Variants in SCAF11 observed in about 807,000 individuals in gnomAD.
The protein encoded by SCAF11 is SR-related CTD associated factor 11.
A neutral mutation model predicts 140.5 loss-of-function variants in SCAF11; 47 were observed. The observed-to-expected ratio is 0.33, with a 90% confidence interval of 0.26 to 0.43. The LOEUF (loss-of-function observed/expected upper bound fraction) is 0.43, where lower values mean the gene tolerates loss of function less well. SCAF11 is among the 20% of genes least tolerant of loss of function. SCAF11 has a pLI of 1.00. For synonymous variants in SCAF11, 557 were observed against 579.4 expected (o/e 0.96, Z 0.55); for missense variants, 1,645 against 1,705.1 (o/e 0.96, Z 0.62).
At chr12:45,987,780 A>G (rs1416873087) in intron 1 of SCAF11, among the ~76,000 whole-genome samples, 3 of 152,200 alleles carry the variant, frequency 2.0e-5, no homozygotes, top group Non-Finnish European at 4.4e-5. Context: ...TGAGAAAAGA[A>G]GTTACATGAC....
rs1944662692 is a variant in SCAF11 at position 45,919,704 on chromosome 12, A to C, written c.*2344T>G. The C allele has an allele frequency of 6.6e-6, 1 of 152,248 alleles. No homozygotes were observed. Among genetic ancestry groups the C allele is most frequent in the Non-Finnish European group, 1.5e-5 (1 of 68,048 alleles). The allele number at this position is 152,248 out of a possible 1,614,324, so 9.4% of individuals were successfully genotyped here. On this transcript the variant is annotated 3_prime_UTR_variant, in exon 15 of 15. Coordinates refer to ENST00000369367, the MANE Select transcript of SCAF11 (RefSeq NM_004719.3). The stretch of plus-strand genomic sequence containing the variant: ...TCGAATTCTAATCAAGTAGCTATTA[A>C]TGCAGTCTAACCAGTGCCCCAAATC...
chr12:45,945,690 C>T (rs1355377672), intron 5 of SCAF11, among the ~76,000 whole-genome samples: 1 of 151,904 alleles, frequency 6.6e-6, no homozygotes, highest in Non-Finnish European at 1.5e-5. Flanking sequence ...GCATGCACCA[C>T]CTTGTCAGGT....
intron 1 of SCAF11, among the ~76,000 whole-genome samples, chr12:45,967,204 C>A (rs1037221757): frequency 6.6e-6 from 1 of 151,802 alleles, no homozygotes; most frequent in African/African-American, 2.4e-5. Flanking sequence ...GCCTGGGCAA[C>A]ACAGCAAGAC....
chr12:45,986,803 G>A lies in SCAF11; in HGVS notation c.-22+3550C>T, dbSNP rs137925315. On this transcript the variant is annotated intron_variant, in intron 1 of 14. Transcript: ENST00000369367. ...TCTGATGGTTTTAACAGATGTTTCC[G>A]CTTTTGCATCTTCCTCATTTTCTCT... is the stretch of plus-strand genomic sequence containing the variant. 2.2e-4 allele frequency among the ~76,000 whole-genome samples: 33 copies of A among 152,142 alleles called. No homozygotes were observed. In the East Asian group the frequency reaches 6.0e-3, roughly 28 times the overall value.
intron 3 of SCAF11, among the ~76,000 whole-genome samples, chr12:45,954,474 C>T (rs1257100923): frequency 2.6e-5 from 4 of 151,816 alleles, no homozygotes; most frequent in Admixed American, 1.3e-4. Context: ...TGGGCTTAAG[C>T]GATCAACCTG....
Position 45,928,367 on chromosome 12 carries a change from T to C in SCAF11, c.1334A>G (p.Asn445Ser). ...VQTHVENQSA[N>S]CLKSCNEQIE... ...TTGCTCATTGCAACTTTTCAAGCAATTAGCAGACTGGTTTTCTACATGAGT... is the reference window on the plus strand; with the variant it reads ...TTGCTCATTGCAACTTTTCAAGCAACTAGCAGACTGGTTTTCTACATGAGT... Residue 445 changes from asparagine to serine, a missense_variant, in exon 11 of 15, where the codon AAT becomes AGT. By Grantham distance (46) the Asn-to-Ser change is conservative (BLOSUM62 1). This residue lies in a region of SCAF11 where 1,582 missense variants were observed against 1,609.2 expected (regional missense o/e 0.98). Transcript: ENST00000369367. 1 of 1,614,170 alleles carries C rather than the reference T, an allele frequency of 6.2e-7. No individual in the cohort carries two copies. The highest frequency in any genetic ancestry group is 8.5e-7 in the Non-Finnish European group (1 of 1,180,010).
Position 45,934,347 on chromosome 12 carries a change from C to A in SCAF11, c.523-62G>T, listed in dbSNP as rs533924375. The A allele has an allele frequency of 2.0e-5, 28 of 1,369,964 alleles. No individual in the cohort carries two copies. The East Asian group carries it at 4.2e-4, about 21-fold the overall frequency. The allele number at this position is 1,369,964 out of a possible 1,614,324, so 84.9% of individuals were successfully genotyped here. A position where few individuals can be genotyped will look rare whatever the true frequency, so the allele number is the denominator to read the frequency against. ...AAATAACAGGTAAATAATAGTTATA[C>A]TTAAATATTTTGATACACCTGAAGC... On this transcript the variant is annotated intron_variant, in intron 7 of 14. Transcript: ENST00000369367.
At chr12:45,969,776 G>A (rs560361468) in intron 1 of SCAF11, among the ~76,000 whole-genome samples, 4 of 152,198 alleles carry the variant, frequency 2.6e-5, no homozygotes, top group Non-Finnish European at 4.4e-5. Flanking sequence ...TTGCTCTGTC[G>A]TCCAGGCTGG....
chr12:45,930,407 G>C (rs151132156), intron 10 of SCAF11, among the ~76,000 whole-genome samples: 1 of 151,598 alleles, frequency 6.6e-6, no homozygotes, highest in Non-Finnish European at 1.5e-5. Flanking sequence ...TGCTCACATG[G>C]AGATGATTAC....
chr12:45,926,673 G>A lies in SCAF11; in HGVS notation c.3028C>T (p.Pro1010Ser), dbSNP rs201305916. 99 of 1,613,486 alleles carry A rather than the reference G, an allele frequency of 6.1e-5. No homozygotes were observed. The highest frequency in any genetic ancestry group is 7.7e-5 in the Non-Finnish European group (91 of 1,179,990). ...TTTCTATGTTTGTCAGCAGAATTTG[G>A]ATCATCAGCATCTAGATGGATGTCA... ...KNDIHLDADD[P>S]NSADKHRNDC... Residue 1010 changes from proline (P) to serine (S), a missense_variant, in exon 11 of 15, where the codon CCA becomes TCA. Transcript: ENST00000369367.
At position 45,923,111 on chromosome 12, in the gene SCAF11, G is replaced by C; in HGVS notation, c.3950C>G (p.Pro1317Arg). 1 of 1,614,024 alleles carries C rather than the reference G, an allele frequency of 6.2e-7. No individual in the cohort carries two copies. The highest frequency in any genetic ancestry group is 8.5e-7 in the Non-Finnish European group (1 of 1,179,996). ...SSHVSNNMST[P>R]VLPAPTAAPG... ...GGCTGCTGTCGGAGCAGGCAAAACT[G>C]GTGTACTCATGTTATTACTTACATG... is the stretch of plus-strand genomic sequence containing the variant. Residue 1317 changes from proline to arginine, a missense_variant, in exon 13 of 15, where the codon CCA becomes CGA. Pro to Arg is a moderately radical substitution (Grantham distance 103, BLOSUM62 -2). Around this residue, in one of 2 missense-constraint regions of SCAF11, gnomAD observed 1,582 missense variants for 1,609.2 expected, o/e 0.98. Transcript: ENST00000369367.
At chr12:45,948,405 T>A (rs764224680) in intron 5 of SCAF11, 32 bp downstream of exon 5, 2 of 1,416,248 alleles carry the variant, frequency 1.4e-6, no homozygotes, top group East Asian at 4.6e-5. Context: ...GTTCCACTCA[T>A]TTGCATTCCA....
chr12:45,991,878 G>A (rs1165820406), upstream of SCAF11: 4 of 1,283,078 alleles, frequency 3.1e-6, no homozygotes, highest in Middle Eastern at 2.2e-4. Flanking sequence ...CCCCGCGCGC[G>A]GCTCACCCAG....
rs1288921869 is a variant in SCAF11 at position 45,934,207 on chromosome 12, C to T, written c.601G>A (p.Gly201Arg). ...GCTCTATAGGTAAAGGAAGATTCTC[C>T]AGAGTGGCTAACAGAAGAAAACATA... ...SNMFSSVSHSGESSFTYRAYC... is the reference protein window; with the variant it reads ...SNMFSSVSHSRESSFTYRAYC... The change falls in exon 8 of 15, where the codon GGA becomes AGA. Residue 201 changes from glycine to arginine, a missense_variant. Gly to Arg is a moderately radical substitution (Grantham distance 125). This residue lies in a region of SCAF11 where 1,582 missense variants were observed against 1,609.2 expected (regional missense o/e 0.98). Coordinates refer to ENST00000369367, the MANE Select transcript of SCAF11 (RefSeq NM_004719.3). 1 of 1,605,756 alleles carries T rather than the reference C, an allele frequency of 6.2e-7. No individual in the cohort carries two copies. The highest frequency in any genetic ancestry group is 1.7e-5 in the Admixed American group (1 of 59,810).
At chr12:45,938,018 T>C (rs997484973) in intron 6 of SCAF11, among the ~76,000 whole-genome samples, 13 of 152,200 alleles carry the variant, frequency 8.5e-5, no homozygotes, top group African/African-American at 3.1e-4. Context: ...TGATGGTATG[T>C]GTACTGTCTT....
chr12:45,927,350 G>A lies in SCAF11; in HGVS notation c.2351C>T (p.Thr784Ile). The A allele has an allele frequency of 1.9e-6, 3 of 1,614,040 alleles. No individual in the cohort carries two copies. Among genetic ancestry groups the A allele is most frequent in the Non-Finnish European group, 2.5e-6 (3 of 1,179,982 alleles). The change falls in exon 11 of 15, where the codon ACC becomes ATC. Residue 784 changes from threonine (T) to isoleucine (I), a missense_variant. By Grantham distance (89) the Thr-to-Ile change is moderately conservative. This residue lies in a region of SCAF11 where 1,582 missense variants were observed against 1,609.2 expected (regional missense o/e 0.98). Coordinates refer to ENST00000369367, the MANE Select transcript of SCAF11 (RefSeq NM_004719.3). ...SESPKDTIDK[T>I]KKPRTRRSRF... ...AGATCTTCGAGTACGAGGCTTTTTG[G>A]TTTTATCTATGGTATCTTTTGGGCT... is the stretch of plus-strand genomic sequence containing the variant.
intron 2 of SCAF11, 148 bp downstream of exon 2, chr12:45,963,959 A>G: frequency 7.3e-6 from 4 of 549,178 alleles, no homozygotes; most frequent in Non-Finnish European, 1.3e-5. Context: ...TGGGAAGAAA[A>G]AAATGTGTAT....
chr12:45,932,677 A>G (rs1172486933), intron 9 of SCAF11, among the ~76,000 whole-genome samples: 1 of 152,166 alleles, frequency 6.6e-6, no homozygotes, highest in East Asian at 1.9e-4. Context: ...TAAACTAAGA[A>G]ATAAAAAACT....
chr12:45,971,819 AAG>A (rs1946080830), intron 1 of SCAF11, among the ~76,000 whole-genome samples: 1 of 152,116 alleles, frequency 6.6e-6, no homozygotes, highest in African/African-American at 2.4e-5. Flanking sequence ...CTCTTAAGAA[AAG>A]AGAGAGATGA....
Sources: allele counts gnomAD v4.1 joint callset (sites outside exome capture counted in the v4.1 genomes callset), GRCh38; gene constraint gnomAD v4.1.1; regional missense constraint gnomAD v4.1.1; transcripts MANE v1.5; gene names NCBI Gene and HGNC (gene_info 2026-07-23, HGNC 2026-07-21).